Variants in ZNF512 observed in about 807,000 individuals in gnomAD.
ZNF512 encodes the protein zinc finger protein 512.
ZNF512 carries 25 observed loss-of-function variants against 77.5 expected under a neutral mutation model. The ratio of observed to expected loss-of-function variants is 0.32; its 90% CI spans 0.23 to 0.45. ZNF512 has a LOEUF of 0.45. Among genes scored for constraint, ZNF512 ranks in the 20% least tolerant of loss-of-function variants. The pLI, the probability that ZNF512 is intolerant of heterozygous loss-of-function variation, is 1.00. For synonymous variants in ZNF512, 246 were observed against 239.9 expected, an observed-to-expected ratio of 1.03 and a Z score of -0.24; for missense variants, 483 against 692.6, an observed-to-expected ratio of 0.70 and a Z score of 3.40.
chr2:27,616,229 C>T (rs1481689360), intron 11 of ZNF512, 33 bp from the exon 12 acceptor site: 2 of 1,558,032 alleles, frequency 1.3e-6, no homozygotes, highest in Non-Finnish European at 8.8e-7. Flanking sequence ...AGCTATTTGG[C>T]ATAGTCTTCA....
Position 27,615,235 on chromosome 2 carries a change from T to C in ZNF512, c.1199T>C (p.Ile400Thr). ...QEVLHKWKTD[I>T]KKYHRIQCPN... ...GTACTACATAAATGGAAGACAGATA[T>C]CAAGAAATATCATCGTATTCAGTGT... The change falls in exon 11 of 14, where the codon ATC becomes ACC. Residue 400 changes from isoleucine (I) to threonine (T), a missense_variant. Physicochemically the swap from Ile to Thr is moderately conservative, Grantham distance 89 (BLOSUM62 -1). Coordinates refer to ENST00000355467, the MANE Select transcript of ZNF512 (RefSeq NM_032434.4). The C allele has an allele frequency of 6.2e-7, 1 of 1,605,842 alleles. No homozygotes were observed. Among genetic ancestry groups the C allele is most frequent in the Non-Finnish European group, 8.5e-7 (1 of 1,176,138 alleles).
intron 9 of ZNF512, among the ~76,000 whole-genome samples, chr2:27,607,437 C>A (rs548484333): frequency 6.6e-6 from 1 of 151,260 alleles, no homozygotes; most frequent in African/African-American, 2.4e-5. Flanking sequence ...GCGCAATCTT[C>A]ACTCACTGCA....
At chr2:27,588,318 C>T (rs914535212) in intron 2 of ZNF512, among the ~76,000 whole-genome samples, 31 of 152,022 alleles carry the variant, frequency 2.0e-4, no homozygotes, top group Admixed American at 1.2e-3. Context: ...AGCGAGATTC[C>T]GTCTTAAGAA....
At chr2:27,585,245 G>C (rs889715906) in intron 2 of ZNF512, among the ~76,000 whole-genome samples, 1 of 152,122 alleles carries the variant, frequency 6.6e-6, no homozygotes, top group African/African-American at 2.4e-5. Flanking sequence ...AATAGGTTTG[G>C]ACCTCAGATG....
At chr2:27,585,053 A>G (rs1288640503) in intron 2 of ZNF512, among the ~76,000 whole-genome samples, 3 of 152,236 alleles carry the variant, frequency 2.0e-5, no homozygotes, top group Non-Finnish European at 2.9e-5. Flanking sequence ...TGGTGGGAAC[A>G]ATATACAGGG....
intron 10 of ZNF512, among the ~76,000 whole-genome samples, chr2:27,612,518 A>C (rs1433734222): frequency 1.3e-5 from 2 of 152,084 alleles, no homozygotes; most frequent in African/African-American, 2.4e-5. Flanking sequence ...ATGGCTGTCT[A>C]TCTGTATGTA....
At chr2:27,600,540 T>G in intron 5 of ZNF512, 151 bp from the exon 6 acceptor site, 1 of 854,078 alleles carries the variant, frequency 1.2e-6, no homozygotes. Flanking sequence ...AATACTACTT[T>G]TAGAAGTTAT....
chr2:27,613,906 ATATG>A (rs912623939), intron 10 of ZNF512, among the ~76,000 whole-genome samples: 5 of 152,048 alleles, frequency 3.3e-5, no homozygotes, highest in African/African-American at 9.7e-5. Flanking sequence ...ATGATAGTAA[ATATG>A]TATCATATAT....
intron 9 of ZNF512, among the ~76,000 whole-genome samples, chr2:27,607,037 C>T (rs1672398105): frequency 6.6e-6 from 1 of 152,044 alleles, no homozygotes; most frequent in Non-Finnish European, 1.5e-5. Context: ...TGCTTTGAAT[C>T]TCTCCTGCCT....
chr2:27,589,858 G>GT (rs1671494394), intron 2 of ZNF512, among the ~76,000 whole-genome samples: 1 of 152,060 alleles, frequency 6.6e-6, no homozygotes, highest in Non-Finnish European at 1.5e-5. Context: ...GATTTTTTGT[G>GT]TTTTTTGTTT....
At chr2:27,593,313 G>A (rs1330045704) in intron 2 of ZNF512, among the ~76,000 whole-genome samples, 3 of 150,358 alleles carry the variant, frequency 2.0e-5, no homozygotes, top group Non-Finnish European at 3.0e-5. Flanking sequence ...GAGGTGGGAG[G>A]ATTGTTTAAG....
intron 10 of ZNF512, among the ~76,000 whole-genome samples, chr2:27,611,510 T>TA (rs775083256): frequency 6.6e-6 from 1 of 152,180 alleles, no homozygotes; most frequent in Non-Finnish European, 1.5e-5. Flanking sequence ...ATATGTCTCT[T>TA]ACTGATGATG....
chr2:27,602,634 C>A (rs773804774), intron 8 of ZNF512, 73 bp downstream of exon 8: 3 of 1,314,222 alleles, frequency 2.3e-6, no homozygotes, highest in Non-Finnish European at 3.2e-6. Flanking sequence ...CTTTCCATTT[C>A]TTCTCTTCCT....
rs150715267 is a variant in ZNF512 at position 27,588,354 on chromosome 2, T to G, written c.89+4638T>G. Among the ~76,000 whole-genome samples, 176 of 152,150 alleles carry G rather than the reference T, an allele frequency of 1.2e-3. 1 individual carries two copies. Among genetic ancestry groups the G allele is most frequent in the African/African-American group, 3.8e-3 (159 of 41,554 alleles). ...ATAATAATAATTAAAAAAAAGAAAC[T>G]TTTGCCTCCCTAATTGCAGAGATTT... On this transcript the variant is annotated intron_variant, in intron 2 of 13. Coordinates refer to ENST00000355467, the MANE Select transcript of ZNF512 (RefSeq NM_032434.4).
At chr2:27,603,331 C>A (rs753831811) in intron 9 of ZNF512, 24 bp downstream of exon 9, 2 of 1,611,068 alleles carry the variant, frequency 1.2e-6, no homozygotes, top group Admixed American at 3.3e-5. Context: ...CCTTTCTATA[C>A]CCTGCGTGGG....
intron 2 of ZNF512, among the ~76,000 whole-genome samples, chr2:27,591,452 T>C (rs941288616): frequency 5.3e-5 from 8 of 152,202 alleles, no homozygotes. Context: ...AGTCTCGCTC[T>C]GTCACCAGGC....
chr2:27,615,055 AC>A (rs1182814216), intron 10 of ZNF512, 112 bp from the exon 11 acceptor site: 72 of 641,200 alleles, frequency 1.1e-4, no homozygotes, highest in Non-Finnish European at 1.7e-4. Context: ...TTTTTTGTGT[AC>A]AAGAGTATAG....
Position 27,598,092 on chromosome 2 carries a change from G to A in ZNF512, c.115G>A (p.Asp39Asn). ...KNSRTQCSIK[D>N]NSFQYTIPHD... ...TAGCAGGACCCAGTGCTCCATAAAG[G>A]ATAATAGTTTCCAGTACACTATCCC... is the stretch of plus-strand genomic sequence containing the variant. Residue 39 changes from aspartate to asparagine, a missense_variant, in exon 3 of 14, where the codon GAT becomes AAT. Physicochemically the swap from Asp to Asn is conservative, Grantham distance 23 (BLOSUM62 1). Transcript: ENST00000355467. The A allele has an allele frequency of 6.2e-7, 1 of 1,603,452 alleles. No homozygotes were observed. Among genetic ancestry groups the A allele is most frequent in the Non-Finnish European group, 8.5e-7 (1 of 1,171,518 alleles).
chr2:27,615,703 C>T (rs181002228), intron 11 of ZNF512, among the ~76,000 whole-genome samples: 5 of 152,318 alleles, frequency 3.3e-5, no homozygotes, highest in Admixed American at 1.3e-4. Flanking sequence ...GCATCACTTC[C>T]ATGGTGTTTT....
Sources: allele counts gnomAD v4.1 joint callset (sites outside exome capture counted in the v4.1 genomes callset), GRCh38; gene constraint gnomAD v4.1.1; transcripts MANE v1.5; gene names NCBI Gene and HGNC (gene_info 2026-07-23, HGNC 2026-07-21).